Variants in KLF5 observed in about 807,000 individuals in gnomAD.
KLF5 encodes Krueppel-like factor 5.
A neutral mutation model predicts 36.9 loss-of-function variants in KLF5; 9 were observed. The observed-to-expected ratio is 0.24, with a 90% CI of 0.15 to 0.43. KLF5 has a LOEUF of 0.43. Ranked by LOEUF, KLF5 falls within the 20% of genes least tolerant of loss-of-function variation. The pLI, the probability that KLF5 is intolerant of heterozygous loss-of-function variation, is 1.00. For synonymous variants in KLF5, 246 were observed against 241.7 expected, an observed-to-expected ratio of 1.02 and a Z score of -0.17; for missense variants, 524 against 599.5, an observed-to-expected ratio of 0.87 and a Z score of 1.31.
At chr13:73,072,892 T>G (rs56049626) in intron 3 of KLF5, among the ~76,000 whole-genome samples, 26,787 of 152,254 alleles carry the variant, frequency 0.18, 2,895 homozygotes, top group Non-Finnish European at 0.25. Flanking sequence ...AAAAACAGAA[T>G]GAGAAAACAC....
intron 3 of KLF5, among the ~76,000 whole-genome samples, chr13:73,064,193 A>C (rs2044662429): frequency 6.6e-6 from 1 of 152,058 alleles, no homozygotes; most frequent in Non-Finnish European, 1.5e-5. Context: ...CAGTGTTTTG[A>C]AGGAAAAAAA....
upstream of KLF5, among the ~76,000 whole-genome samples, chr13:73,056,602 G>A (rs117840733): frequency 2.0e-4 from 31 of 152,298 alleles, no homozygotes; most frequent in Admixed American, 4.6e-4. Flanking sequence ...AAACTTGGTC[G>A]AACATGTTCT....
intron 3 of KLF5, among the ~76,000 whole-genome samples, chr13:73,064,629 T>C (rs1397477036): frequency 6.6e-6 from 1 of 152,162 alleles, no homozygotes; most frequent in Admixed American, 6.5e-5. Context: ...CTGCAACCTC[T>C]GCCTCCCAGG....
At chr13:73,064,951 T>C (rs1050869013) in intron 3 of KLF5, among the ~76,000 whole-genome samples, 1 of 152,226 alleles carries the variant, frequency 6.6e-6, no homozygotes, top group South Asian at 2.1e-4. Flanking sequence ...TTGTCAAATA[T>C]ATAGATGGTT....
At chr13:73,070,494 C>T (rs1257537593) in intron 3 of KLF5, among the ~76,000 whole-genome samples, 4 of 152,214 alleles carry the variant, frequency 2.6e-5, no homozygotes, top group African/African-American at 7.2e-5. Flanking sequence ...CTATTAATGA[C>T]AGGGGATAGT....
intron 3 of KLF5, 152 bp from the exon 4 acceptor site, chr13:73,075,556 C>T (rs936764408): frequency 4.7e-5 from 28 of 590,958 alleles, no homozygotes; most frequent in East Asian, 1.4e-4. Flanking sequence ...CTTTGAGTGG[C>T]TTTGATATGT....
chr13:73,062,492 C>G lies in KLF5; in HGVS notation c.893C>G (p.Thr298Ser), dbSNP rs753087445. The part of the protein sequence containing the change: ...MPSQFLPQQA[T>S]YFPPSPPSSE... ...AGTCAGTTTCTTCCACAACAGGCCACTTACTTTCCCCCGTCACCACCAAGC... is the reference window on the plus strand; with the variant it reads ...AGTCAGTTTCTTCCACAACAGGCCAGTTACTTTCCCCCGTCACCACCAAGC... The change falls in exon 2 of 4, where the codon ACT (threonine) becomes AGT (serine). Residue 298 changes from threonine to serine, a missense_variant. Physicochemically the swap from Thr to Ser is moderately conservative, Grantham distance 58. Around this residue, in one of 4 missense-constraint regions of KLF5, gnomAD observed 454 missense variants for 458.1 expected, o/e 0.99. Transcript: ENST00000377687. 5 of 1,614,202 alleles carry G rather than the reference C, an allele frequency of 3.1e-6. No individual in the cohort carries two copies. The highest frequency in any genetic ancestry group is 1.7e-5 in the Admixed American group (1 of 60,022).
At chr13:73,060,201 C>G (rs1173456300) in intron 1 of KLF5, among the ~76,000 whole-genome samples, 11 of 148,016 alleles carry the variant, frequency 7.4e-5, no homozygotes, top group Admixed American at 5.4e-4. Context: ...TTGTTTTCTT[C>G]GTGTGCACGT....
chr13:73,059,032 G>T lies in KLF5; in HGVS notation c.-296G>T, dbSNP rs1238447131. 3 of 282,190 alleles carry T rather than the reference G, an allele frequency of 1.1e-5. No homozygotes were observed. The highest frequency in any genetic ancestry group is 1.5e-4 in the South Asian group (1 of 6,632). The allele number at this position is 282,190 out of a possible 1,614,324, so 17.5% of individuals were successfully genotyped here. On this transcript the variant is annotated 5_prime_UTR_variant, in exon 1 of 4. Transcript: ENST00000377687. ...TCGCGGGGCAGGTACGTGCGCTCGC[G>T]GTTCTCTCGCGGAGGTCGGCGGTGG...
At chr13:73,062,835 C>T (rs2044649740) in intron 2 of KLF5, 101 bp downstream of exon 2, 1 of 983,762 alleles carries the variant, frequency 1.0e-6, no homozygotes, top group African/African-American at 1.6e-5. Context: ...GTGCCCTTTT[C>T]AACCTCATGG....
intron 3 of KLF5, among the ~76,000 whole-genome samples, chr13:73,070,477 A>G (rs1014955350): frequency 3.3e-5 from 5 of 152,240 alleles, no homozygotes; most frequent in Non-Finnish European, 7.3e-5. Flanking sequence ...ATTTGATTTC[A>G]TTAACTCTAT....
intron 3 of KLF5, among the ~76,000 whole-genome samples, chr13:73,071,460 AAT>A (rs2044721576): frequency 6.6e-6 from 1 of 152,186 alleles, no homozygotes; most frequent in Non-Finnish European, 1.5e-5. Flanking sequence ...AATGTGTGAC[AAT>A]GAGTTTTAAT....
In KLF5 at chr13:73,062,492, C is replaced by T; in HGVS notation, c.893C>T (p.Thr298Ile). Reference sequence around the variant, plus strand: ...AGTCAGTTTCTTCCACAACAGGCCACTTACTTTCCCCCGTCACCACCAAGC... The same window carrying T: ...AGTCAGTTTCTTCCACAACAGGCCATTTACTTTCCCCCGTCACCACCAAGC... ...MPSQFLPQQA[T>I]YFPPSPPSSE... The change falls in exon 2 of 4, where the codon ACT (threonine) becomes ATT (isoleucine). Residue 298 changes from threonine (T) to isoleucine (I), a missense_variant. Coordinates refer to ENST00000377687, the MANE Select transcript of KLF5 (RefSeq NM_001730.5). 6.2e-7 allele frequency: 1 copy of T among 1,614,202 alleles called. No homozygotes were observed. The highest frequency in any genetic ancestry group is 8.5e-7 in the Non-Finnish European group (1 of 1,180,044).
intron 3 of KLF5, among the ~76,000 whole-genome samples, chr13:73,065,447 T>A (rs2044672070): frequency 6.6e-6 from 1 of 152,230 alleles, no homozygotes; most frequent in Non-Finnish European, 1.5e-5. Flanking sequence ...GGAGAAGGCA[T>A]CTTATGTATT....
At chr13:73,058,414 G>A (rs899142801), upstream of KLF5, among the ~76,000 whole-genome samples, 3 of 152,226 alleles carry the variant, frequency 2.0e-5, no homozygotes, top group Admixed American at 6.5e-5. Context: ...CTTGTTAAAC[G>A]GATACACTCA....
upstream of KLF5, among the ~76,000 whole-genome samples, chr13:73,058,538 C>A (rs183180219): frequency 6.6e-6 from 1 of 152,356 alleles, no homozygotes; most frequent in Admixed American, 6.5e-5. Flanking sequence ...ACTCATTAGA[C>A]AAATCTCTAA....
At chr13:73,075,598 TTCTTTCGCTTGGCCA>T in intron 3 of KLF5, 95 bp from the exon 4 acceptor site, 1 of 903,798 alleles carries the variant, frequency 1.1e-6, no homozygotes, top group South Asian at 2.0e-5. Flanking sequence ...TGAGCTTTCC[TTCTTTCGCTTGGCCA>T]AGATTTTTTT....
chr13:73,059,584 T>G lies in KLF5; in HGVS notation c.257T>G (p.Val86Gly). Reference protein sequence around the residue: ...TGPRLPPEDLVQTRCEMEKYL... With the variant: ...TGPRLPPEDLGQTRCEMEKYL... ...CCGCGGCTGCCTCCAGAGGACCTGG[T>G]CCAGGTAGGAAGAGCCGCTCCCCTC... Residue 86 changes from valine to glycine, a missense_variant, in exon 1 of 4, where the codon GTC becomes GGC. Physicochemically the swap from Val to Gly is moderately radical, Grantham distance 109. This residue lies in a region of KLF5 where 454 missense variants were observed against 458.1 expected (regional missense o/e 0.99). Coordinates refer to ENST00000377687, the MANE Select transcript of KLF5 (RefSeq NM_001730.5). 1 of 1,161,984 alleles carries G rather than the reference T, an allele frequency of 8.6e-7. No individual in the cohort carries two copies. The highest frequency in any genetic ancestry group is 1.6e-5 in the African/African-American group (1 of 61,764). 72.0% of individuals were successfully genotyped at this position (1,161,984 alleles called of 1,614,324 possible).
upstream of KLF5, among the ~76,000 whole-genome samples, chr13:73,057,772 A>C (rs2044593506): frequency 6.6e-6 from 1 of 152,204 alleles, no homozygotes; most frequent in Non-Finnish European, 1.5e-5. Flanking sequence ...ACATATGTAC[A>C]TTTGTAGTAA....
Sources: gnomAD v4.1 joint callset for allele counts (sites outside exome capture counted in the v4.1 genomes callset) on GRCh38, gnomAD v4.1.1 for gene constraint, gnomAD v4.1.1 regional missense constraint, MANE v1.5 for transcripts, NCBI Gene and HGNC (gene_info 2026-07-23, HGNC 2026-07-21) for gene names.